The following CD55 variants were observed in gnomAD, a reference collection of about 807,000 sequenced individuals.
CD55 encodes CD55 molecule (Cromer blood group), also known as complement decay-accelerating factor.
Under a neutral mutation model 45.8 loss-of-function variants are expected in CD55, and 41 were observed. The ratio of observed to expected loss-of-function variants is 0.90; its 90% CI spans 0.70 to 1.16. The LOEUF (loss-of-function observed/expected upper bound fraction) is 1.16. Ranked by LOEUF, CD55 falls within the 50% of genes most tolerant of loss-of-function variation. The pLI, the probability that CD55 is intolerant of heterozygous loss-of-function variation, is 0.00. For missense variants in CD55, 416 were observed against 469.8 expected (o/e 0.89, Z 1.06); for synonymous variants, 181 against 181.1 (o/e 1.00, Z 0.01).
intron 7 of CD55, 60 bp from the exon 8 acceptor site, chr1:207,337,269 A>T (rs1349116142): frequency 9.4e-7 from 1 of 1,066,068 alleles, no homozygotes; most frequent in Non-Finnish European, 1.5e-6. Context: ...ACTAATGTAC[A>T]TTCCCCAGTG....
At position 207,360,398 on chromosome 1, in the gene CD55, C is replaced by G. The variant is rs1422002688; in HGVS notation, c.*788C>G. 6.6e-6 allele frequency: 1 copy of G among 151,966 alleles called. No homozygotes were observed. 9.4% of individuals were successfully genotyped at this position (151,966 alleles called of 1,614,324 possible). A position where few individuals can be genotyped will look rare whatever the true frequency, so the allele number is the denominator to read the frequency against. ...AATATTTATTTATATTTATTTATGA[C>G]AGTGAACATTCTGATTTTACATGTA... On this transcript the variant is annotated 3_prime_UTR_variant, in exon 10 of 10. Coordinates refer to ENST00000367064, the MANE Select transcript of CD55 (RefSeq NM_000574.5).
chr1:207,332,657 T>C (rs1173445970), intron 6 of CD55, among the ~76,000 whole-genome samples: 1 of 152,200 alleles, frequency 6.6e-6, no homozygotes, highest in East Asian at 1.9e-4. Context: ...TATTTATTTT[T>C]CCAAGTTTTA....
chr1:207,330,009 T>G (rs180761186), intron 5 of CD55, among the ~76,000 whole-genome samples: 5 of 143,008 alleles, frequency 3.5e-5, no homozygotes, highest in African/African-American at 1.3e-4. Context: ...GACCCTTGCA[T>G]TTTTTATTGA....
In CD55 at chr1:207,331,300, A is replaced by G; in HGVS notation, c.853+4A>G. On this transcript the variant is annotated splice_donor_region_variant and intron_variant, in intron 6 of 9. Coordinates refer to ENST00000367064, the MANE Select transcript of CD55 (RefSeq NM_000574.5). ...GGCCCACCACCTGAATGCAGAGGTA[A>G]TCACTTTGGATAGTTATATTTTTGC... 6.2e-7 allele frequency: 1 copy of G among 1,610,450 alleles called. No homozygotes were observed. The highest frequency in any genetic ancestry group is 8.5e-7 in the Non-Finnish European group (1 of 1,177,194).
chr1:207,322,487 T>C lies in CD55; in HGVS notation c.206T>C (p.Phe69Ser). 6.2e-7 allele frequency: 1 copy of C among 1,614,238 alleles called. No individual in the cohort carries two copies. Among genetic ancestry groups the C allele is most frequent in the Non-Finnish European group, 8.5e-7 (1 of 1,180,030 alleles). The change falls in exon 2 of 10, where the codon TTT becomes TCT. Residue 69 changes from phenylalanine to serine, a missense_variant. Phe to Ser is a radical substitution (Grantham distance 155). This residue lies in a region of CD55 where 123 missense variants were observed against 105.1 expected (regional missense o/e 1.17). Coordinates refer to ENST00000367064, the MANE Select transcript of CD55 (RefSeq NM_000574.5). Reference protein sequence around the residue: ...TVITYKCEESFVKIPGEKDSV... With the variant: ...TVITYKCEESSVKIPGEKDSV... ...ATAACGTACAAATGTGAAGAAAGCTTTGTGAAAATTCCTGGCGAGAAGGAC... is the reference window on the plus strand; with the variant it reads ...ATAACGTACAAATGTGAAGAAAGCTCTGTGAAAATTCCTGGCGAGAAGGAC...
At chr1:207,333,666 TAAAAG>T (rs767382072) in intron 6 of CD55, among the ~76,000 whole-genome samples, 15 of 152,156 alleles carry the variant, frequency 9.9e-5, no homozygotes, top group South Asian at 2.1e-4. Context: ...TTTAAGATGA[TAAAAG>T]AAAAGAGAAC....
At chr1:207,322,700 C>G in intron 2 of CD55, 133 bp downstream of exon 2, 2 of 695,522 alleles carry the variant, frequency 2.9e-6, no homozygotes, top group South Asian at 4.3e-5. Flanking sequence ...CCTGTTGGCA[C>G]GTCACACTCC....
chr1:207,324,661 G>T lies in CD55; in HGVS notation c.389G>T (p.Arg130Leu). The T allele has an allele frequency of 1.9e-6, 3 of 1,612,624 alleles. No individual in the cohort carries two copies. The highest frequency in any genetic ancestry group is 2.2e-5 in the South Asian group (2 of 90,816). ...PVGTVVEYECRPGYRREPSLS... is the reference protein window; with the variant it reads ...PVGTVVEYECLPGYRREPSLS... ...GGTACTGTTGTGGAATATGAGTGCC[G>T]TCCAGGTTACAGAAGAGAACCTTCT... The change falls in exon 3 of 10, where the codon CGT becomes CTT. Residue 130 changes from arginine to leucine, a missense_variant. Arg to Leu is a moderately radical substitution (Grantham distance 102). This residue lies in a region of CD55 where 111 missense variants were observed against 163.4 expected (regional missense o/e 0.68). Coordinates refer to ENST00000367064, the MANE Select transcript of CD55 (RefSeq NM_000574.5).
intron 9 of CD55, among the ~76,000 whole-genome samples, chr1:207,359,298 G>A (rs1656193997): frequency 6.6e-6 from 1 of 151,758 alleles, no homozygotes; most frequent in African/African-American, 2.4e-5. Context: ...ATTCATTCTA[G>A]CTTAGCCACT....
At chr1:207,323,718 A>T (rs1438697298) in intron 2 of CD55, among the ~76,000 whole-genome samples, 3 of 152,164 alleles carry the variant, frequency 2.0e-5, no homozygotes, top group Admixed American at 6.5e-5. Flanking sequence ...TTAACTTTTT[A>T]TTTTTATCCA....
intron 9 of CD55, chr1:207,340,406 C>G (rs985638908): frequency 2.1e-6 from 1 of 466,540 alleles, no homozygotes; most frequent in Non-Finnish European, 3.8e-6. Flanking sequence ...CGTCCTGTCA[C>G]CCAGGCTGGT....
At chr1:207,324,033 A>T (rs1258407040) in intron 2 of CD55, among the ~76,000 whole-genome samples, 1 of 152,104 alleles carries the variant, frequency 6.6e-6, no homozygotes, top group Non-Finnish European at 1.5e-5. Flanking sequence ...AGATGTAAAT[A>T]CTTTATGTAT....
chr1:207,336,912 A>G (rs1655201557), intron 7 of CD55, 94 bp downstream of exon 7: 3 of 1,413,976 alleles, frequency 2.1e-6, no homozygotes, highest in South Asian at 2.3e-5. Context: ...ACCACAGTAA[A>G]TGTCCCAGCT....
At chr1:207,337,586 T>TA (rs1364431285) in intron 8 of CD55, 177 bp downstream of exon 8, 6 of 417,548 alleles carry the variant, frequency 1.4e-5, no homozygotes, top group East Asian at 3.6e-5. Context: ...GGCAAATCTT[T>TA]AAAAAAAGAA....
chr1:207,333,073 T>C (rs1655020134), intron 6 of CD55, among the ~76,000 whole-genome samples: 1 of 152,196 alleles, frequency 6.6e-6, no homozygotes, highest in South Asian at 2.1e-4. Flanking sequence ...TTTGCAAATT[T>C]TGGGGCTGCA....
At chr1:207,339,362 T>C in intron 8 of CD55, 35 bp from the exon 9 acceptor site, 1 of 1,580,366 alleles carries the variant, frequency 6.3e-7, no homozygotes, top group Non-Finnish European at 8.7e-7. Context: ...TAACAAATTT[T>C]TGTTGTTAAT....
At chr1:207,357,354 TA>T (rs1467254108) in intron 9 of CD55, among the ~76,000 whole-genome samples, 1 of 152,164 alleles carries the variant, frequency 6.6e-6, no homozygotes, top group Non-Finnish European at 1.5e-5. Context: ...CTAAGTCATC[TA>T]AAGTGAGTTG....
At position 207,338,306 on chromosome 1, in the gene CD55, A is replaced by G. The variant is rs73087203; in HGVS notation, c.1060+897A>G. On this transcript the variant is annotated intron_variant, in intron 8 of 9. Transcript: ENST00000367064. ...ACTCAGCATTGGTTTTGTGGCTTACATTGATTAATTTAGATTTACTATACT... is the reference window on the plus strand; with the variant it reads ...ACTCAGCATTGGTTTTGTGGCTTACGTTGATTAATTTAGATTTACTATACT... 5.5e-3 allele frequency among the ~76,000 whole-genome samples: 834 copies of G among 152,246 alleles called. 8 individuals are homozygous for G. The highest frequency in any genetic ancestry group is 0.018 in the African/African-American group (757 of 41,552).
chr1:207,358,950 T>C (rs554233812), intron 9 of CD55, among the ~76,000 whole-genome samples: 9 of 152,204 alleles, frequency 5.9e-5, no homozygotes, highest in Non-Finnish European at 8.8e-5. Flanking sequence ...GCCTTCATTA[T>C]GATAATTTGC....
Sources: gnomAD v4.1 joint callset for allele counts (sites outside exome capture counted in the v4.1 genomes callset) on GRCh38, gnomAD v4.1.1 for gene constraint, gnomAD v4.1.1 regional missense constraint, MANE v1.5 for transcripts, NCBI Gene and HGNC (gene_info 2026-07-23, HGNC 2026-07-21) for gene names.